MIPOL1: variants seen among roughly 807,000 people sequenced by gnomAD.
MIPOL1 encodes mirror-image polydactyly gene 1 protein.
In MIPOL1, 57 loss-of-function variants were observed where a neutral mutation model predicts 60.9. That is an observed-to-expected ratio of 0.94 (90% CI 0.76 to 1.17). The LOEUF (loss-of-function observed/expected upper bound fraction) is 1.17. Among genes scored for constraint, MIPOL1 ranks in the 50% most tolerant of loss-of-function variants. The pLI is 0.00. For missense variants in MIPOL1, 551 were observed against 511.6 expected (o/e 1.08, Z -0.74); for synonymous variants, 179 against 168.8 (o/e 1.06, Z -0.47).
chr14:37,444,851 A>G (rs937353051), intron 11 of MIPOL1, among the ~76,000 whole-genome samples: 4 of 152,232 alleles, frequency 2.6e-5, no homozygotes, highest in African/African-American at 9.6e-5. Context: ...TAGATGCAGA[A>G]AAGGCCTTTG....
intron 12 of MIPOL1, among the ~76,000 whole-genome samples, chr14:37,515,607 T>G (rs1007441966): frequency 2.0e-5 from 3 of 152,168 alleles, no homozygotes; most frequent in Non-Finnish European, 4.4e-5. Context: ...AAAAATAACA[T>G]AAAACATTTT....
At chr14:37,519,665 A>AG (rs897330970) in intron 12 of MIPOL1, among the ~76,000 whole-genome samples, 8 of 152,082 alleles carry the variant, frequency 5.3e-5, no homozygotes, top group African/African-American at 1.4e-4. Flanking sequence ...ACACTGTTAC[A>AG]GGGGAAAAAA....
intron 1 of MIPOL1, among the ~76,000 whole-genome samples, chr14:37,214,241 A>G (rs941298016): frequency 2.0e-5 from 3 of 152,216 alleles, no homozygotes; most frequent in Admixed American, 2.0e-4. Context: ...TAAATGATAA[A>G]CCAACAAAAA....
intron 9 of MIPOL1, among the ~76,000 whole-genome samples, chr14:37,315,518 A>G (rs1421627673): frequency 7.7e-6 from 1 of 130,476 alleles, no homozygotes; most frequent in East Asian, 2.3e-4. Flanking sequence ...AGATCAAGAA[A>G]AGTGGACAGA....
chr14:37,533,803 A>C (rs940767003), intron 12 of MIPOL1, among the ~76,000 whole-genome samples: 4 of 152,212 alleles, frequency 2.6e-5, no homozygotes, highest in Non-Finnish European at 5.9e-5. Flanking sequence ...TAGAAGATGC[A>C]TAAGCAGTCC....
intron 1 of MIPOL1, among the ~76,000 whole-genome samples, chr14:37,245,986 A>C (rs1012187560): frequency 1.3e-5 from 2 of 152,100 alleles, no homozygotes; most frequent in African/African-American, 4.8e-5. Flanking sequence ...TTTGTGTAGT[A>C]CTTGTTAGTC....
In MIPOL1 at chr14:37,551,134, A is replaced by G. The variant is rs1344788892; in HGVS notation, c.*4163A>G. The G allele has an allele frequency of 6.6e-6, 1 of 152,144 alleles. No individual in the cohort carries two copies. Among genetic ancestry groups the G allele is most frequent in the Non-Finnish European group, 1.5e-5 (1 of 68,010 alleles). 9.4% of individuals were successfully genotyped at this position (152,144 alleles called of 1,614,324 possible). A position where few individuals can be genotyped will look rare whatever the true frequency, so the allele number is the denominator to read the frequency against. On this transcript the variant is annotated 3_prime_UTR_variant, in exon 13 of 13. Transcript: ENST00000684589. ...AAATATAGTTTTGGTGTATGCTGGT[A>G]TTTTAGAAGCCACCAATTTCTGGAC...
At chr14:37,252,471 C>G (rs1370494247) in intron 3 of MIPOL1, among the ~76,000 whole-genome samples, 1 of 151,898 alleles carries the variant, frequency 6.6e-6, no homozygotes, top group African/African-American at 2.4e-5. Flanking sequence ...TGGCAAGTAT[C>G]ATTTGTATCC....
rs143937685 is a variant in MIPOL1, at chr14:37,377,943, A to C, written c.936+8319A>C. ...ACTTTACTATTTTTAAAACTTTTTA[A>C]AATTAAAATTATCTTTAAAAATTTA... On this transcript the variant is annotated intron_variant, in intron 10 of 12. Transcript: ENST00000684589. Among the ~76,000 whole-genome samples the C allele has an allele frequency of 6.0e-3, 912 of 152,042 alleles. 13 individuals are homozygous for C. Among genetic ancestry groups the C allele is most frequent in the African/African-American group, 0.02 (844 of 41,502 alleles).
At chr14:37,282,714 A>G (rs2084219384) in intron 6 of MIPOL1, among the ~76,000 whole-genome samples, 1 of 135,696 alleles carries the variant, frequency 7.4e-6, no homozygotes, top group Non-Finnish European at 1.5e-5. Context: ...GTGCCACTGC[A>G]CTCAGCGTGG....
chr14:37,368,478 A>G (rs1307514070), intron 9 of MIPOL1, among the ~76,000 whole-genome samples: 5 of 152,116 alleles, frequency 3.3e-5, no homozygotes, highest in African/African-American at 1.2e-4. Context: ...GTAACATAAT[A>G]AGTAATGATT....
At chr14:37,406,386 C>T (rs867564239) in intron 10 of MIPOL1, among the ~76,000 whole-genome samples, 5 of 152,034 alleles carry the variant, frequency 3.3e-5, no homozygotes, top group African/African-American at 9.7e-5. Context: ...AAAACATACA[C>T]GATCCTGAAC....
chr14:37,226,057 A>T (rs1969676271), intron 1 of MIPOL1, among the ~76,000 whole-genome samples: 1 of 152,148 alleles, frequency 6.6e-6, no homozygotes, highest in African/African-American at 2.4e-5. Flanking sequence ...ATCTGAGACC[A>T]CCTAAGCCTG....
chr14:37,465,114 T>A (rs2094582986), intron 11 of MIPOL1, among the ~76,000 whole-genome samples: 1 of 152,164 alleles, frequency 6.6e-6, no homozygotes, highest in South Asian at 2.1e-4. Context: ...AATATAGACA[T>A]GTCTTCAGGA....
intron 1 of MIPOL1, among the ~76,000 whole-genome samples, chr14:37,237,524 T>A (rs1269772822): frequency 6.6e-6 from 1 of 152,202 alleles, no homozygotes; most frequent in East Asian, 1.9e-4. Context: ...TTTGGTTTTT[T>A]AAAAAATTCT....
At chr14:37,551,971 C>T (rs1310725027), downstream of MIPOL1, 1 of 151,496 alleles carries the variant, frequency 6.6e-6, no homozygotes, top group Non-Finnish European at 1.5e-5. Context: ...GGAATATGTA[C>T]GTGGAATTTT....
At chr14:37,383,905 T>C (rs2092995399) in intron 10 of MIPOL1, among the ~76,000 whole-genome samples, 1 of 151,852 alleles carries the variant, frequency 6.6e-6, no homozygotes, top group African/African-American at 2.4e-5. Flanking sequence ...TTTTATATGC[T>C]GAAAGATATT....
rs146757292 is a variant in MIPOL1 at position 37,296,086 on chromosome 14, G to C, written c.623+10639G>C. ...ACTCCTCAGCAAATGTAAAAGAACA[G>C]AAATTATAACAAACTATCTCTCAGA... On this transcript the variant is annotated intron_variant, in intron 7 of 12. Coordinates refer to ENST00000684589, the MANE Select transcript of MIPOL1 (RefSeq NM_001388067.1). Among the ~76,000 whole-genome samples the C allele has an allele frequency of 7.3e-3, 1,113 of 152,256 alleles. 15 individuals are homozygous for C. Among genetic ancestry groups the C allele is most frequent in the African/African-American group, 0.025 (1,044 of 41,530 alleles).
At chr14:37,281,131 T>C (rs1043543357) in intron 6 of MIPOL1, among the ~76,000 whole-genome samples, 2 of 152,196 alleles carry the variant, frequency 1.3e-5, no homozygotes, top group African/African-American at 4.8e-5. Context: ...TCTAGTAGTT[T>C]TATAATTTCC....
Sources: allele counts gnomAD v4.1 joint callset (sites outside exome capture counted in the v4.1 genomes callset), GRCh38; gene constraint gnomAD v4.1.1; transcripts MANE v1.5; gene names NCBI Gene and HGNC (gene_info 2026-07-23, HGNC 2026-07-21).